The following DLC1 variants were observed in gnomAD, a reference collection of about 807,000 sequenced individuals.
DLC1 encodes the protein rho GTPase-activating protein 7.
In DLC1, 54 loss-of-function variants were observed where a neutral mutation model predicts 140.3. That is an observed-to-expected ratio of 0.38 (90% confidence interval 0.31 to 0.48). The LOEUF (loss-of-function observed/expected upper bound fraction) is 0.48, where lower values mean the gene tolerates loss of function less well. Ranked by LOEUF, DLC1 falls within the 20% of genes least tolerant of loss-of-function variation. The probability of loss-of-function intolerance (pLI) is 0.96; values close to 1 mark genes in which losing one functional copy is unlikely to be tolerated. For missense variants in DLC1, 2,536 were observed against 1,907.0 expected (o/e 1.33, Z -6.14); for synonymous variants, 986 against 728.1 (o/e 1.35, Z -5.70).
chr8:13,113,713 C>G (rs143080320), intron 6 of DLC1, among the ~76,000 whole-genome samples: 7 of 152,286 alleles, frequency 4.6e-5, no homozygotes, highest in Non-Finnish European at 8.8e-5. Context: ...CCCCTTTCCC[C>G]AAAGCCCTTC....
intron 5 of DLC1, among the ~76,000 whole-genome samples, chr8:13,130,004 C>A (rs1821943841): frequency 6.6e-6 from 1 of 152,138 alleles, no homozygotes; most frequent in Non-Finnish European, 1.5e-5. Context: ...ACTGGACCAT[C>A]CTGTCCAGCA....
At chr8:13,095,006 T>G in intron 11 of DLC1, 49 bp from the exon 12 acceptor site, 1 of 1,613,798 alleles carries the variant, frequency 6.2e-7, no homozygotes, top group Non-Finnish European at 8.5e-7. Flanking sequence ...GTGGACGCAG[T>G]GTTTACACCA....
At chr8:13,348,710 G>T (rs1181517651) in intron 4 of DLC1, among the ~76,000 whole-genome samples, 1 of 152,062 alleles carries the variant, frequency 6.6e-6, no homozygotes, top group Non-Finnish European at 1.5e-5. Flanking sequence ...GAAGAAGGAA[G>T]AAAGAAAGAA....
chr8:13,276,664 G>A lies in DLC1; in HGVS notation c.1348+28605C>T, dbSNP rs142015981. 8.7e-4 allele frequency: 954 copies of A among 1,100,166 alleles called. 2 individuals carry two copies. Among genetic ancestry groups the A allele is most frequent in the Middle Eastern group, 3.0e-3 (8 of 2,688 alleles). 68.2% of individuals were successfully genotyped at this position (1,100,166 alleles called of 1,614,324 possible). A position where few individuals can be genotyped will look rare whatever the true frequency, so the allele number is the denominator to read the frequency against. ...AGCTGCAGCACAGCTATCCGGAGGCGTCTCGCTTCCTGTGCAACCCAATGA... is the reference window on the plus strand; with the variant it reads ...AGCTGCAGCACAGCTATCCGGAGGCATCTCGCTTCCTGTGCAACCCAATGA... On this transcript the variant is annotated intron_variant, in intron 5 of 17. Transcript: ENST00000276297.
chr8:13,602,684 A>T (rs1049506764), intron 1 of DLC1, among the ~76,000 whole-genome samples: 1 of 151,922 alleles, frequency 6.6e-6, no homozygotes, highest in Non-Finnish European at 1.5e-5. Flanking sequence ...ATTTTTATGT[A>T]TCTTAAAAAG....
At chr8:13,170,511 A>C (rs543339305) in intron 5 of DLC1, among the ~76,000 whole-genome samples, 2,553 of 152,224 alleles carry the variant, frequency 0.017, 67 homozygotes, top group African/African-American at 0.058. Flanking sequence ...TGGGCGGATC[A>C]TGAGGTCAGG....
intron 15 of DLC1, 56 bp from the exon 16 acceptor site, chr8:13,088,760 G>A: frequency 1.3e-6 from 2 of 1,533,578 alleles, no homozygotes; most frequent in Non-Finnish European, 1.8e-6. Context: ...CCTAGTTTTT[G>A]AAGTCGAATT....
intron 5 of DLC1, among the ~76,000 whole-genome samples, chr8:13,255,330 C>T (rs973069743): frequency 1.3e-5 from 2 of 152,068 alleles, no homozygotes; most frequent in Non-Finnish European, 2.9e-5. Context: ...AGACCTATAC[C>T]TCATTGTAAT....
intron 1 of DLC1, among the ~76,000 whole-genome samples, chr8:13,505,397 A>G (rs1182134670): frequency 6.6e-6 from 1 of 152,214 alleles, no homozygotes; most frequent in Non-Finnish European, 1.5e-5. Context: ...ACAGAGTTAA[A>G]TATCAGAAGA....
chr8:13,395,912 A>G (rs569875842), intron 3 of DLC1, among the ~76,000 whole-genome samples: 1 of 152,160 alleles, frequency 6.6e-6, no homozygotes, highest in Admixed American at 6.5e-5. Context: ...GATTCATTAG[A>G]ATTTCAAATT....
rs200487432 is a variant in DLC1, at chr8:13,499,458, G to A, written c.614C>T (p.Ala205Val). 1.4e-5 allele frequency: 22 copies of A among 1,614,056 alleles called. No homozygotes were observed. The highest frequency in any genetic ancestry group is 1.8e-5 in the Non-Finnish European group (21 of 1,180,022). ...NEISLSEIKD[A>V]PKVNAVDTLN... ...AGTATCCACTGCATTTACTTTGGGT[G>A]CATCTTTTATTTCACTTAAGCTTAT... The change falls in exon 2 of 18, where the codon GCA (alanine) becomes GTA (valine). Residue 205 changes from alanine (A) to valine (V), a missense_variant. Physicochemically the swap from Ala to Val is moderately conservative, Grantham distance 64. Coordinates refer to ENST00000276297, the MANE Select transcript of DLC1 (RefSeq NM_182643.3).
intron 5 of DLC1, among the ~76,000 whole-genome samples, chr8:13,258,247 G>C (rs1287936288): frequency 6.6e-6 from 1 of 152,194 alleles, no homozygotes; most frequent in African/African-American, 2.4e-5. Context: ...TTTAGGGACT[G>C]ACAAATTGTA....
chr8:13,327,753 T>G (rs1415344633), intron 4 of DLC1, among the ~76,000 whole-genome samples: 1 of 152,238 alleles, frequency 6.6e-6, no homozygotes, highest in African/African-American at 2.4e-5. Context: ...AGGTAGACAT[T>G]GTCTCTGGCC....
intron 1 of DLC1, among the ~76,000 whole-genome samples, chr8:13,594,562 T>C (rs537260699): frequency 8.9e-4 from 135 of 152,280 alleles, no homozygotes; most frequent in African/African-American, 3.1e-3. Context: ...GTAAGTCTTC[T>C]CCTTCATGTC....
chr8:13,093,004 C>T (rs543138706), intron 12 of DLC1, among the ~76,000 whole-genome samples, 179 bp from the exon 13 acceptor site: 2 of 152,252 alleles, frequency 1.3e-5, no homozygotes, highest in African/African-American at 4.8e-5. Context: ...CGTCACTATC[C>T]TCAAGTATTT....
Position 13,501,268 on chromosome 8 carries a change from A to G in DLC1, c.-125-1072T>C, listed in dbSNP as rs114630242. 3.4e-3 allele frequency among the ~76,000 whole-genome samples: 515 copies of G among 152,156 alleles called. 3 individuals carry two copies. Among genetic ancestry groups the G allele is most frequent in the African/African-American group, 0.012 (502 of 41,566 alleles). On this transcript the variant is annotated intron_variant, in intron 1 of 17. Coordinates refer to ENST00000276297, the MANE Select transcript of DLC1 (RefSeq NM_182643.3). ...CATGCATAAGACAAGCTTAGAATAC[A>G]AACACATACCAGGTACCCAAATTTT...
At chr8:13,187,206 AT>A (rs1229254633) in intron 5 of DLC1, among the ~76,000 whole-genome samples, 2 of 152,132 alleles carry the variant, frequency 1.3e-5, no homozygotes, top group East Asian at 3.9e-4. Context: ...TACAGAATGT[AT>A]AATTTATTTT....
intron 3 of DLC1, among the ~76,000 whole-genome samples, chr8:13,399,598 C>T (rs1366240700): frequency 5.3e-5 from 8 of 152,176 alleles, no homozygotes. Flanking sequence ...AAGAGACTGG[C>T]ACACTCTGAG....
intron 1 of DLC1, among the ~76,000 whole-genome samples, chr8:13,575,918 CTG>C (rs1401063144): frequency 6.6e-6 from 1 of 152,168 alleles, no homozygotes; most frequent in African/African-American, 2.4e-5. Flanking sequence ...TTTTGAGTAT[CTG>C]TGTGGCAAGA....
Sources: gnomAD v4.1 joint callset for allele counts (sites outside exome capture counted in the v4.1 genomes callset) on GRCh38, gnomAD v4.1.1 for gene constraint, MANE v1.5 for transcripts, NCBI Gene and HGNC (gene_info 2026-07-23, HGNC 2026-07-21) for gene names.